Variants in ESRRB observed in about 807,000 individuals in gnomAD.
ESRRB encodes the protein estrogen related receptor beta.
ESRRB carries 16 observed loss-of-function variants against 46.0 expected under a neutral mutation model. That is an observed-to-expected ratio of 0.35 (90% CI 0.24 to 0.53). The LOEUF is 0.53. ESRRB is among the 20% of genes least tolerant of loss of function. ESRRB has a pLI of 0.93. For synonymous variants in ESRRB, 246 were observed against 259.6 expected (o/e 0.95, Z 0.50); for missense variants, 488 against 607.4 (o/e 0.80, Z 2.07).
intron 2 of ESRRB, among the ~76,000 whole-genome samples, chr14:76,453,875 G>T (rs144938660): frequency 2.6e-5 from 4 of 152,152 alleles, no homozygotes; most frequent in African/African-American, 4.8e-5. Flanking sequence ...GCCTCCCAAA[G>T]TGCCTGGATT....
intron 1 of ESRRB, among the ~76,000 whole-genome samples, chr14:76,380,787 C>G (rs1160271274): frequency 6.6e-5 from 10 of 152,122 alleles, no homozygotes; most frequent in African/African-American, 2.4e-4. Context: ...CCTCTGGGGT[C>G]CTCCAGTGAC....
intron 1 of ESRRB, chr14:76,407,537 G>C: frequency 1.0e-6 from 1 of 985,502 alleles, no homozygotes. Context: ...CATCTGTTCT[G>C]TTTAGGCCAG....
At chr14:76,469,312 C>T (rs978647435) in intron 3 of ESRRB, among the ~76,000 whole-genome samples, 3 of 152,050 alleles carry the variant, frequency 2.0e-5, no homozygotes, top group Non-Finnish European at 4.4e-5. Context: ...TCAGGCTGTT[C>T]GTGAACTCCT....
intron 3 of ESRRB, among the ~76,000 whole-genome samples, chr14:76,464,127 G>A (rs1331182246): frequency 6.6e-6 from 1 of 152,206 alleles, no homozygotes; most frequent in Non-Finnish European, 1.5e-5. Context: ...CAACTTTTAA[G>A]CTCCGGGCCT....
chr14:76,438,094 G>A (rs1887751870), intron 1 of ESRRB, among the ~76,000 whole-genome samples: 1 of 152,092 alleles, frequency 6.6e-6, no homozygotes, highest in Admixed American at 6.5e-5. Context: ...CTGGGTAGAA[G>A]CTGGCTACTC....
intron 1 of ESRRB, among the ~76,000 whole-genome samples, chr14:76,398,322 T>C (rs1332163264): frequency 6.6e-6 from 1 of 152,170 alleles, no homozygotes; most frequent in Admixed American, 6.5e-5. Context: ...AAAGCTGGCA[T>C]TTAAACATAG....
chr14:76,485,447 G>A (rs1025731982), intron 5 of ESRRB, among the ~76,000 whole-genome samples: 2 of 151,526 alleles, frequency 1.3e-5, no homozygotes, highest in Non-Finnish European at 2.9e-5. Context: ...TCACCATGTT[G>A]GCCAGGCTGG....
intron 2 of ESRRB, among the ~76,000 whole-genome samples, chr14:76,447,666 CA>C (rs1285783313): frequency 6.6e-6 from 1 of 152,144 alleles, no homozygotes; most frequent in Non-Finnish European, 1.5e-5. Context: ...CCTCCATGTT[CA>C]AGCCAGACAC....
At chr14:76,313,063 G>A (rs1236654061) in intron 1 of ESRRB, among the ~76,000 whole-genome samples, 1 of 152,086 alleles carries the variant, frequency 6.6e-6, no homozygotes, top group African/African-American at 2.4e-5. Context: ...ATTTTGTTGG[G>A]ACATTTAGCT....
chr14:76,319,009 G>A (rs535079385), intron 1 of ESRRB, among the ~76,000 whole-genome samples: 1 of 152,322 alleles, frequency 6.6e-6, no homozygotes, highest in South Asian at 2.1e-4. Flanking sequence ...CGATGACCAA[G>A]TGAGCATCCT....
intron 1 of ESRRB, among the ~76,000 whole-genome samples, chr14:76,415,526 G>A (rs991477765): frequency 1.1e-4 from 16 of 152,090 alleles, no homozygotes; most frequent in African/African-American, 3.6e-4. Flanking sequence ...CAGGCGTGGT[G>A]GTTTGCACCT....
At chr14:76,339,828 T>C (rs1413898377) in intron 1 of ESRRB, among the ~76,000 whole-genome samples, 1 of 152,166 alleles carries the variant, frequency 6.6e-6, no homozygotes, top group East Asian at 1.9e-4. Flanking sequence ...CCCCGTCACA[T>C]CGCACAAAAG....
intron 1 of ESRRB, among the ~76,000 whole-genome samples, chr14:76,402,983 G>A (rs1187711657): frequency 6.6e-6 from 1 of 152,112 alleles, no homozygotes; most frequent in Non-Finnish European, 1.5e-5. Flanking sequence ...TAGAGACAGG[G>A]TCTCCCCATA....
At position 76,361,397 on chromosome 14, in the gene ESRRB, A is replaced by G. The variant is rs530076457; in HGVS notation, c.2+50481A>G. 7.9e-5 allele frequency among the ~76,000 whole-genome samples: 12 copies of G among 152,296 alleles called. No individual in the cohort carries two copies. In the East Asian group the frequency reaches 2.1e-3, roughly 27 times the overall value. ...CTCAATTGTGAGAGATTAAATAGCC[A>G]TTATCTCTCCATTACCTCCAAAGTT... On this transcript the variant is annotated intron_variant, in intron 1 of 6. Transcript: ENST00000512784.
Position 76,482,017 on chromosome 14 carries a change from T to C in ESRRB, c.579T>C (p.Gly193=). 18 of 1,613,864 alleles carry C rather than the reference T, an allele frequency of 1.1e-5. No individual in the cohort carries two copies. The highest frequency in any genetic ancestry group is 1.5e-5 in the Non-Finnish European group (18 of 1,179,762). The stretch of plus-strand genomic sequence containing the variant: ...TCTTTTCCCTTTCCTCCCCAATAGG[T>C]GTGCGCCTTGATCGAGTGCGTGGAG... ...KCLKVGMLKE[G]VRLDRVRGGR... The change falls in exon 4 of 7, where the codon GGT becomes GGC. Residue 193 remains glycine (G), a splice_region_variant and synonymous_variant. Coordinates refer to ENST00000644823, the MANE Select transcript of ESRRB (RefSeq NM_001379180.1). The surrounding 1 kb of genome is among the most constrained non-coding windows in gnomAD (Gnocchi z 4.3).
intron 1 of ESRRB, among the ~76,000 whole-genome samples, chr14:76,331,707 G>A (rs182413471): frequency 6.6e-6 from 1 of 152,016 alleles, no homozygotes; most frequent in African/African-American, 2.4e-5. Context: ...CACCCTGGCA[G>A]CAGTGACCAG....
intron 1 of ESRRB, among the ~76,000 whole-genome samples, chr14:76,434,659 C>CAAA (rs397964458): frequency 0.053 from 6,709 of 127,052 alleles, 421 homozygotes; most frequent in African/African-American, 0.16. Flanking sequence ...GACTCTGTCT[C>CAAA]AAAAAAAAAA....
chr14:76,319,424 C>T (rs1883841747), intron 1 of ESRRB, among the ~76,000 whole-genome samples: 1 of 152,094 alleles, frequency 6.6e-6, no homozygotes, highest in Non-Finnish European at 1.5e-5. Context: ...GACTTGTGAC[C>T]AGCCTGGGTG....
chr14:76,392,281 C>T (rs1361342658), intron 1 of ESRRB, among the ~76,000 whole-genome samples: 1 of 152,176 alleles, frequency 6.6e-6, no homozygotes. Flanking sequence ...GGGGCATATC[C>T]GAGAAACAGT....
Sources: gnomAD v4.1 joint callset for allele counts (sites outside exome capture counted in the v4.1 genomes callset) on GRCh38, gnomAD v4.1.1 for gene constraint, Gnocchi (gnomAD v3.1) non-coding constraint, MANE v1.5 for transcripts, NCBI Gene and HGNC (gene_info 2026-07-23, HGNC 2026-07-21) for gene names.